Variants in MTPN observed in about 807,000 individuals in gnomAD.
MTPN encodes myotrophin, also known as granule cell differentiation protein.
MTPN carries 2 observed loss-of-function variants against 13.5 expected under a neutral mutation model. The ratio of observed to expected loss-of-function variants is 0.15; its 90% CI spans 0.06 to 0.47. The LOEUF (loss-of-function observed/expected upper bound fraction) is 0.47, where lower values mean the gene tolerates loss of function less well. MTPN is among the 20% of genes least tolerant of loss of function. MTPN has a pLI of 0.97. For synonymous variants in MTPN, 46 were observed against 51.7 expected, an observed-to-expected ratio of 0.89 and a Z score of 0.48; for missense variants, 79 against 137.9, an observed-to-expected ratio of 0.57 and a Z score of 2.14.
intron 2 of MTPN, 139 bp downstream of exon 2, chr7:135,951,378 G>A (rs1799361717): frequency 2.2e-6 from 1 of 462,154 alleles, no homozygotes; most frequent in South Asian, 6.3e-5. Context: ...TAAGTTATAG[G>A]CAATTTGGCA....
chr7:135,954,027 G>A (rs1046263758), intron 1 of MTPN, among the ~76,000 whole-genome samples: 1 of 152,050 alleles, frequency 6.6e-6, no homozygotes, highest in East Asian at 1.9e-4. Context: ...AAAATCACTG[G>A]AGACCAGGTT....
intron 1 of MTPN, among the ~76,000 whole-genome samples, chr7:135,972,806 G>C (rs1332438237): frequency 6.6e-6 from 1 of 151,460 alleles, no homozygotes; most frequent in Non-Finnish European, 1.5e-5. Context: ...TTTTAAAAGG[G>C]CCAACTCCTC....
At chr7:135,972,261 C>CACACACACACACACACACACACACA (rs35026808) in intron 1 of MTPN, among the ~76,000 whole-genome samples, 1 of 90,766 alleles carries the variant, frequency 1.1e-5, no homozygotes, top group African/African-American at 3.9e-5. Context: ...ACACACACAC[C>CACACACACACACACACACACACACA]CCATGTAGAT....
intron 3 of MTPN, among the ~76,000 whole-genome samples, chr7:135,945,298 CT>C (rs903759706): frequency 1.1e-3 from 173 of 152,058 alleles, no homozygotes; most frequent in African/African-American, 4.0e-3. Flanking sequence ...GAAAAATTTT[CT>C]TTTTTCAGCA....
At chr7:135,934,491 A>AAAGTT (rs1218312175) in intron 3 of MTPN, among the ~76,000 whole-genome samples, 1 of 152,208 alleles carries the variant, frequency 6.6e-6, no homozygotes, top group African/African-American at 2.4e-5. Context: ...CAGTAGCCTA[A>AAAGTT]AAGTTAGTTA....
chr7:135,965,296 G>A (rs1369899986), intron 1 of MTPN, among the ~76,000 whole-genome samples: 1 of 152,012 alleles, frequency 6.6e-6, no homozygotes, highest in African/African-American at 2.4e-5. Context: ...CCTATTTACA[G>A]ATACAAAACT....
chr7:135,973,062 C>T (rs1799719699), intron 1 of MTPN, among the ~76,000 whole-genome samples: 1 of 149,852 alleles, frequency 6.7e-6, no homozygotes, highest in South Asian at 2.1e-4. Context: ...GAGGAGCTGG[C>T]CCTTTTAAAA....
At chr7:135,956,668 C>G (rs751563451) in intron 1 of MTPN, among the ~76,000 whole-genome samples, 1 of 152,094 alleles carries the variant, frequency 6.6e-6, no homozygotes, top group Non-Finnish European at 1.5e-5. Flanking sequence ...CCATCCCTCA[C>G]CTATGTTCTG....
chr7:135,971,111 A>G (rs1799687297), intron 1 of MTPN, among the ~76,000 whole-genome samples: 1 of 152,192 alleles, frequency 6.6e-6, no homozygotes, highest in African/African-American at 2.4e-5. Context: ...AAGAGATTCT[A>G]TCCTTTCACA....
chr7:135,951,850 A>G (rs13235017), intron 1 of MTPN, among the ~76,000 whole-genome samples: 5 of 152,220 alleles, frequency 3.3e-5, no homozygotes, highest in African/African-American at 1.2e-4. Context: ...TAAGCTGAAA[A>G]CAATATACAA....
chr7:135,932,824 T>TCA (rs1799045120), intron 3 of MTPN: 1 of 152,118 alleles, frequency 6.6e-6, no homozygotes, highest in Admixed American at 6.5e-5. Context: ...GCGCAGTGGC[T>TCA]CACAGCTGTA....
intron 3 of MTPN, among the ~76,000 whole-genome samples, chr7:135,945,668 T>A (rs1052374423): frequency 2.0e-5 from 3 of 152,210 alleles, no homozygotes; most frequent in African/African-American, 7.2e-5. Flanking sequence ...TTTTCTAGAA[T>A]ACCTCCTGAA....
At chr7:135,969,080 T>C (rs1158633881) in intron 1 of MTPN, among the ~76,000 whole-genome samples, 2 of 40,822 alleles carry the variant, frequency 4.9e-5, no homozygotes, top group Admixed American at 3.0e-4. Flanking sequence ...CTGGGGACTG[T>C]TGTGGGGTGG....
intron 1 of MTPN, among the ~76,000 whole-genome samples, chr7:135,955,374 G>T (rs1799426585): frequency 6.6e-6 from 1 of 152,138 alleles, no homozygotes; most frequent in Non-Finnish European, 1.5e-5. Context: ...CAACTGATAA[G>T]CCTCTAGCAA....
intron 1 of MTPN, among the ~76,000 whole-genome samples, chr7:135,972,261 C>CACACACACACACA: frequency 1.1e-5 from 1 of 90,764 alleles, no homozygotes; most frequent in African/African-American, 3.9e-5. Context: ...ACACACACAC[C>CACACACACACACA]CCATGTAGAT....
chr7:135,946,047 C>G (rs1333926494), intron 3 of MTPN, among the ~76,000 whole-genome samples: 1 of 152,174 alleles, frequency 6.6e-6, no homozygotes, highest in Non-Finnish European at 1.5e-5. Context: ...GTGTCTCTCT[C>G]ACAAAGTATC....
chr7:135,954,985 C>G (rs1799421258), intron 1 of MTPN, among the ~76,000 whole-genome samples: 1 of 152,146 alleles, frequency 6.6e-6, no homozygotes, highest in Non-Finnish European at 1.5e-5. Context: ...CTCTTAATAC[C>G]AGTGCAAAAT....
intron 1 of MTPN, among the ~76,000 whole-genome samples, chr7:135,963,618 G>A (rs1799560422): frequency 6.6e-6 from 1 of 152,018 alleles, no homozygotes; most frequent in Admixed American, 6.6e-5. Context: ...CATATTTTCT[G>A]AAATGTTAAC....
rs748900554 is a variant in MTPN at position 135,927,194 on chromosome 7, T to A, written c.*2732A>T. 2.9e-6 allele frequency: 3 copies of A among 1,017,378 alleles called. No individual in the cohort carries two copies. Among genetic ancestry groups the A allele is most frequent in the Non-Finnish European group, 4.1e-6 (3 of 726,760 alleles). 63.0% of individuals were successfully genotyped at this position (1,017,378 alleles called of 1,614,324 possible). On this transcript the variant is annotated 3_prime_UTR_variant, in exon 4 of 4. Transcript: ENST00000393085. ...AAAATCCAGTACTTGGGAAAAGATA[T>A]CAATGAATAAAAGGCCTACTTGTTT...
Sources: allele counts gnomAD v4.1 joint callset (sites outside exome capture counted in the v4.1 genomes callset), GRCh38; gene constraint gnomAD v4.1.1; transcripts MANE v1.5; gene names NCBI Gene and HGNC (gene_info 2026-07-23, HGNC 2026-07-21).